LARP4B: variants seen among roughly 807,000 people sequenced by gnomAD.
LARP4B encodes La ribonucleoprotein 4B.
In LARP4B, 12 loss-of-function variants were observed where a neutral mutation model predicts 89.8. The ratio of observed to expected loss-of-function variants is 0.13; its 90% CI spans 0.09 to 0.22. The LOEUF (loss-of-function observed/expected upper bound fraction) is 0.22, where lower values mean the gene tolerates loss of function less well. Among genes scored for constraint, LARP4B ranks in the 10% least tolerant of loss-of-function variants. LARP4B has a pLI of 1.00. For missense variants in LARP4B, 757 were observed against 947.7 expected (o/e 0.80, Z 2.64); for synonymous variants, 367 against 363.3 (o/e 1.01, Z -0.12).
chr10:855,334 T>C (rs760357546), intron 5 of LARP4B, among the ~76,000 whole-genome samples: 24 of 152,222 alleles, frequency 1.6e-4, no homozygotes, highest in Non-Finnish European at 3.4e-4. Context: ...ATTCCTTGCT[T>C]ACTAAGCTTA....
chr10:853,665 C>T (rs966397459), intron 5 of LARP4B, among the ~76,000 whole-genome samples: 1 of 152,266 alleles, frequency 6.6e-6, no homozygotes, highest in Middle Eastern at 3.4e-3. Context: ...GCCTAAGTGA[C>T]GGAGTGAGAT....
At chr10:882,716 G>A (rs1327333644) in intron 3 of LARP4B, among the ~76,000 whole-genome samples, 1 of 152,194 alleles carries the variant, frequency 6.6e-6, no homozygotes, top group African/African-American at 2.4e-5. Flanking sequence ...GGAGAGGGCA[G>A]GAAGCTGTCT....
the LARP4B span, among the ~76,000 whole-genome samples, chr10:957,625 AT>A: frequency 6.6e-6 from 1 of 152,184 alleles, no homozygotes; most frequent in East Asian, 1.9e-4. Context: ...TGATGGGATT[AT>A]TTTTTGGGTT....
At chr10:858,244 T>G (rs1279122133) in intron 5 of LARP4B, among the ~76,000 whole-genome samples, 1 of 152,164 alleles carries the variant, frequency 6.6e-6, no homozygotes, top group Non-Finnish European at 1.5e-5. Context: ...AAGAAATCCT[T>G]GCATACATGG....
intron 1 of LARP4B, among the ~76,000 whole-genome samples, chr10:915,499 AAG>A (rs1836793791): frequency 6.6e-6 from 1 of 152,228 alleles, no homozygotes; most frequent in East Asian, 1.9e-4. Flanking sequence ...AGTATCAAAA[AAG>A]AGAAAAAGTT....
At chr10:845,096 A>G in intron 5 of LARP4B, 41 bp from the exon 6 acceptor site, 1 of 1,480,214 alleles carries the variant, frequency 6.8e-7, no homozygotes, top group Non-Finnish European at 9.3e-7. Flanking sequence ...ACCGGCTTAA[A>G]ATTTAGGAAG....
intron 3 of LARP4B, chr10:870,190 G>T: frequency 4.6e-6 from 1 of 215,252 alleles, no homozygotes; most frequent in Non-Finnish European, 8.0e-6. Context: ...TCCAGAGATA[G>T]CCCATTTGAT....
the LARP4B span, among the ~76,000 whole-genome samples, chr10:957,506 G>T: frequency 6.6e-6 from 1 of 152,078 alleles, no homozygotes; most frequent in Admixed American, 6.6e-5. Context: ...GATTGATGAT[G>T]AATGTTTTTA....
At chr10:872,598 C>T (rs1297600285) in intron 3 of LARP4B, among the ~76,000 whole-genome samples, 2 of 152,196 alleles carry the variant, frequency 1.3e-5, no homozygotes, top group African/African-American at 2.4e-5. Flanking sequence ...CTGAGGTGAA[C>T]GCTGACCACC....
chr10:911,522 C>T (rs1836665348), intron 1 of LARP4B, among the ~76,000 whole-genome samples: 2 of 152,178 alleles, frequency 1.3e-5, no homozygotes, highest in Non-Finnish European at 2.9e-5. Context: ...TGTCAGAAAG[C>T]TTAAGATCTT....
intron 1 of LARP4B, among the ~76,000 whole-genome samples, chr10:886,342 C>A (rs925467295): frequency 6.6e-6 from 1 of 152,172 alleles, no homozygotes; most frequent in African/African-American, 2.4e-5. Context: ...GAAACAGAAC[C>A]TTTGCACACT....
At chr10:970,405 T>C in the LARP4B span, among the ~76,000 whole-genome samples, 1 of 152,182 alleles carries the variant, frequency 6.6e-6, no homozygotes, top group Non-Finnish European at 1.5e-5. Context: ...TGTCACACAC[T>C]GGATTAAGCA....
the LARP4B span, among the ~76,000 whole-genome samples, chr10:964,300 C>T: frequency 6.6e-6 from 1 of 152,176 alleles, no homozygotes; most frequent in African/African-American, 2.4e-5. Context: ...CTCCCGACCT[C>T]GTGATCTGCC....
the LARP4B span, among the ~76,000 whole-genome samples, chr10:939,948 C>T: frequency 5.3e-5 from 8 of 152,014 alleles, no homozygotes; most frequent in African/African-American, 1.7e-4. Context: ...CAGGTTCAAG[C>T]GGTTCTCGTG....
At chr10:883,836 G>A (rs1408100037) in intron 3 of LARP4B, among the ~76,000 whole-genome samples, 2 of 146,870 alleles carry the variant, frequency 1.4e-5, no homozygotes, top group Non-Finnish European at 3.1e-5. Flanking sequence ...TGCTTATAAT[G>A]GGGGGGGAAT....
the LARP4B span, among the ~76,000 whole-genome samples, chr10:974,562 C>T: frequency 1.3e-5 from 2 of 152,172 alleles, no homozygotes; most frequent in Non-Finnish European, 2.9e-5. Flanking sequence ...CTAGAAATAA[C>T]TCACGTAAAG....
intron 1 of LARP4B, among the ~76,000 whole-genome samples, chr10:909,288 C>T (rs572858045): frequency 8.7e-4 from 109 of 124,858 alleles, no homozygotes; most frequent in African/African-American, 3.1e-3. Flanking sequence ...AGCACGACTC[C>T]GTCTCAAAAA....
intron 5 of LARP4B, among the ~76,000 whole-genome samples, chr10:862,556 C>T (rs527801602): frequency 8.5e-5 from 13 of 152,180 alleles, no homozygotes; most frequent in South Asian, 2.1e-4. Flanking sequence ...GTCAGGAGAT[C>T]GAGACCATCC....
intron 8 of LARP4B, among the ~76,000 whole-genome samples, chr10:831,581 C>CAA (rs1588875544): frequency 6.6e-6 from 1 of 152,170 alleles, no homozygotes; most frequent in Non-Finnish European, 1.5e-5. Context: ...TGAGAGGGAA[C>CAA]AAGCCCAGGG....
Sources: allele counts gnomAD v4.1 joint callset (sites outside exome capture counted in the v4.1 genomes callset), GRCh38; gene constraint gnomAD v4.1.1; transcripts MANE v1.5; gene names NCBI Gene and HGNC (gene_info 2026-07-23, HGNC 2026-07-21).